Variants in FIGNL1 observed in about 807,000 individuals in gnomAD.
FIGNL1 encodes fidgetin-like protein 1.
Under a neutral mutation model 28.9 loss-of-function variants are expected in FIGNL1, and 11 were observed. The ratio of observed to expected loss-of-function variants is 0.38; its 90% CI spans 0.24 to 0.63. FIGNL1 has a LOEUF of 0.63. Among genes scored for constraint, FIGNL1 ranks in the 20% least tolerant of loss-of-function variants. FIGNL1 has a pLI of 0.57. For synonymous variants in FIGNL1, 295 were observed against 276.5 expected (o/e 1.07, Z -0.66); for missense variants, 789 against 810.4 (o/e 0.97, Z 0.32).
chr7:50,447,468 C>A, intron 3 of FIGNL1, 171 bp from the exon 4 acceptor site: 1 of 504,474 alleles, frequency 2.0e-6, no homozygotes. Flanking sequence ...CTATAGATTT[C>A]AAGTATTCAA....
rs2153527256 is a variant in FIGNL1, at chr7:50,444,701, T to A, written c.*562A>T. 6.6e-6 allele frequency: 1 copy of A among 152,332 alleles called. No homozygotes were observed. Among genetic ancestry groups the A allele is most frequent in the Middle Eastern group, 3.4e-3 (1 of 294 alleles). The allele number at this position is 152,332 out of a possible 1,614,324, so 9.4% of individuals were successfully genotyped here. ...TTAATTAACCTTTCAGTTCTGTGAATCTAATACTAGATCACACCTTGCTAT... is the reference window on the plus strand; with the variant it reads ...TTAATTAACCTTTCAGTTCTGTGAAACTAATACTAGATCACACCTTGCTAT... On this transcript the variant is annotated 3_prime_UTR_variant, in exon 4 of 4. Transcript: ENST00000433017.
rs1323535025 is a variant in FIGNL1, at chr7:50,449,130, G to A, written c.-132C>T. On this transcript the variant is annotated 5_prime_UTR_variant, in exon 2 of 4. Coordinates refer to ENST00000433017, the MANE Select transcript of FIGNL1 (RefSeq NM_001287492.4). ...ATTTCTACCATACCTCAGAGTTCTA[G>A]TCACTGTTCTCAGAATAAACCCCCT... The A allele has an allele frequency of 2.6e-5, 4 of 152,098 alleles. No individual in the cohort carries two copies. The highest frequency in any genetic ancestry group is 5.9e-5 in the Non-Finnish European group (4 of 68,022). 9.4% of individuals were successfully genotyped at this position (152,098 alleles called of 1,614,324 possible).
Position 50,446,773 on chromosome 7 carries a change from C to T in FIGNL1, c.515G>A (p.Arg172Gln), listed in dbSNP as rs757791696. 2.2e-5 allele frequency: 36 copies of T among 1,614,000 alleles called. No individual in the cohort carries two copies. Among genetic ancestry groups the T allele is most frequent in the African/African-American group, 1.1e-4 (8 of 74,924 alleles). ...ATTGCTCTCCGGGAAGTCTTGGGTC[C>T]GGTCTCGATCATGAGCTGAGTTAGG... ...SLPNSAHDRDRTQDFPESNRL... is the reference protein window; with the variant it reads ...SLPNSAHDRDQTQDFPESNRL... Residue 172 changes from arginine to glutamine, a missense_variant, in exon 4 of 4, where the codon CGG becomes CAG. Arg to Gln is a conservative substitution (Grantham distance 43). Transcript: ENST00000433017.
At position 50,446,321 on chromosome 7, in the gene FIGNL1, C is replaced by T. The variant is rs1164985764; in HGVS notation, c.967G>A (p.Gly323Ser). The T allele has an allele frequency of 6.2e-7, 1 of 1,614,014 alleles. No individual in the cohort carries two copies. The highest frequency in any genetic ancestry group is 1.3e-5 in the African/African-American group (1 of 74,890). Reference sequence around the variant, plus strand: ...CTAGCTCCTAGAGACTTTTTTACACCACCATATGAAGACCCTGATGCACGC... The same window carrying T: ...CTAGCTCCTAGAGACTTTTTTACACTACCATATGAAGACCCTGATGCACGC... ...PQRASGSSYGGVKKSLGASRS... is the reference protein window; with the variant it reads ...PQRASGSSYGSVKKSLGASRS... The change falls in exon 4 of 4, where the codon GGT (glycine) becomes AGT (serine). Residue 323 changes from glycine to serine, a missense_variant. Physicochemically the swap from Gly to Ser is moderately conservative, Grantham distance 56. Coordinates refer to ENST00000433017, the MANE Select transcript of FIGNL1 (RefSeq NM_001287492.4).
Position 50,446,504 on chromosome 7 carries a change from C to T in FIGNL1, c.784G>A (p.Gly262Ser). ...GAAAGTGCATCAATGGTGCCAGAAC[C>T]ATAAAAAGACTTCCTCTGTGGATTT... ...CENPQRKSFY[G>S]SGTIDALSNP... Residue 262 changes from glycine to serine, a missense_variant, in exon 4 of 4, where the codon GGT (glycine) becomes AGT (serine). By Grantham distance (56) the Gly-to-Ser change is moderately conservative. Transcript: ENST00000433017. 6.2e-7 allele frequency: 1 copy of T among 1,614,144 alleles called. No homozygotes were observed. The highest frequency in any genetic ancestry group is 8.5e-7 in the Non-Finnish European group (1 of 1,180,038).
Position 50,447,268 on chromosome 7 carries a change from C to A in FIGNL1, c.20G>T (p.Arg7Ile). ...CTGCCATTCACTCAGGTGCACAGAT[C>A]TAGAGCTGGAGGTCTGCATTTTAGA... MQTSSSRSVHLSEWQKN... is the reference protein window; with the variant it reads MQTSSSISVHLSEWQKN... Residue 7 changes from arginine (R) to isoleucine (I), a missense_variant, in exon 4 of 4, where the codon AGA (arginine) becomes ATA (isoleucine). By Grantham distance (97) the Arg-to-Ile change is moderately conservative. Coordinates refer to ENST00000433017, the MANE Select transcript of FIGNL1 (RefSeq NM_001287492.4). 5.6e-6 allele frequency: 9 copies of A among 1,596,606 alleles called. No individual in the cohort carries two copies. Among genetic ancestry groups the A allele is most frequent in the Non-Finnish European group, 7.7e-6 (9 of 1,167,244 alleles).
At chr7:50,449,868 C>G (rs1347045113) in intron 1 of FIGNL1, 145 bp from the exon 2 acceptor site, 1 of 152,336 alleles carries the variant, frequency 6.6e-6, no homozygotes, top group African/African-American at 2.4e-5. Flanking sequence ...AAGGTATGAG[C>G]CCTTCTTTCT....
Position 50,445,058 on chromosome 7 carries a change from A to G in FIGNL1, c.*205T>C. The G allele has an allele frequency of 2.8e-6, 1 of 361,972 alleles. No homozygotes were observed. Among genetic ancestry groups the G allele is most frequent in the Non-Finnish European group, 4.9e-6 (1 of 204,080 alleles). 22.4% of individuals were successfully genotyped at this position (361,972 alleles called of 1,614,324 possible). A position where few individuals can be genotyped will look rare whatever the true frequency, so the allele number is the denominator to read the frequency against. On this transcript the variant is annotated 3_prime_UTR_variant, in exon 4 of 4. Coordinates refer to ENST00000433017, the MANE Select transcript of FIGNL1 (RefSeq NM_001287492.4). ...CAAAAGTTCATTCTCACTTTGTTCAAATAGGCTTACGTATCAGGTAATCAC... is the reference window on the plus strand; with the variant it reads ...CAAAAGTTCATTCTCACTTTGTTCAGATAGGCTTACGTATCAGGTAATCAC...
Position 50,445,328 on chromosome 7 carries a change from T to G in FIGNL1, c.1960A>C (p.Ser654Arg), listed in dbSNP as rs777685237. ...FENAFRTVRP[S>R]VSPKDLELYE... ...AGCTCTAAATCTTTTGGAGAAACACTAGGTCGCACAGTTCTAAAAGCATTT... is the reference window on the plus strand; with the variant it reads ...AGCTCTAAATCTTTTGGAGAAACACGAGGTCGCACAGTTCTAAAAGCATTT... Residue 654 changes from serine to arginine, a missense_variant, in exon 4 of 4, where the codon AGT becomes CGT. Ser to Arg is a moderately radical substitution (Grantham distance 110). Coordinates refer to ENST00000433017, the MANE Select transcript of FIGNL1 (RefSeq NM_001287492.4). 6.2e-7 allele frequency: 1 copy of G among 1,604,450 alleles called. No individual in the cohort carries two copies. The highest frequency in any genetic ancestry group is 1.3e-5 in the African/African-American group (1 of 74,472).
rs1415502444 is a variant in FIGNL1, at chr7:50,446,663, C to T, written c.625G>A (p.Glu209Lys). 1 of 1,614,190 alleles carries T rather than the reference C, an allele frequency of 6.2e-7. No individual in the cohort carries two copies. Among genetic ancestry groups the T allele is most frequent in the South Asian group, 1.1e-5 (1 of 91,088 alleles). ...TCPTFSAPVGESATAKFHVTP... is the reference protein window; with the variant it reads ...TCPTFSAPVGKSATAKFHVTP... ...ACATGGAATTTTGCAGTAGCTGACTCACCTACAGGTGCTGAGAATGTAGGA... is the reference window on the plus strand; with the variant it reads ...ACATGGAATTTTGCAGTAGCTGACTTACCTACAGGTGCTGAGAATGTAGGA... The change falls in exon 4 of 4, where the codon GAG (glutamate) becomes AAG (lysine). Residue 209 changes from glutamate to lysine, a missense_variant. Physicochemically the swap from Glu to Lys is moderately conservative, Grantham distance 56. Transcript: ENST00000433017.
In FIGNL1 at chr7:50,447,042, ATAAT is replaced by A; in HGVS notation, c.242_245del (p.Asn81MetfsTer6). On this transcript the variant is annotated frameshift_variant, in exon 4 of 4. Transcript: ENST00000433017. LOFTEE classifies it low-confidence loss of function (END_TRUNC). ...CTGCCAAAGTTAAAATGTTTTCTGCATAATTATTCAACCCAGATTCAACATTGTC... is the reference window on the plus strand; with the variant it reads ...CTGCCAAAGTTAAAATGTTTTCTGCATATTCAACCCAGATTCAACATTGTC... 1 of 1,614,264 alleles carries A rather than the reference ATAAT, an allele frequency of 6.2e-7. No individual in the cohort carries two copies. Among genetic ancestry groups the A allele is most frequent in the Non-Finnish European group, 8.5e-7 (1 of 1,180,050 alleles).
Position 50,447,007 on chromosome 7 carries a change from T to G in FIGNL1, c.281A>C (p.Gln94Pro). 6.2e-7 allele frequency: 1 copy of G among 1,614,258 alleles called. No homozygotes were observed. The highest frequency in any genetic ancestry group is 8.5e-7 in the Non-Finnish European group (1 of 1,180,046). Residue 94 changes from glutamine (Q) to proline (P), a missense_variant, in exon 4 of 4, where the codon CAA becomes CCA. Transcript: ENST00000433017. ...AGACTGCCACTTGTCACTATCTGTT[T>G]GTTGAGATCCTGCCAAAGTTAAAAT... is the stretch of plus-strand genomic sequence containing the variant. Reference protein sequence around the residue: ...ENILTLAGSQQTDSDKWQSGL... With the variant: ...ENILTLAGSQPTDSDKWQSGL...
rs937637560 is a variant in FIGNL1, at chr7:50,445,765, T to A, written c.1523A>T (p.Gln508Leu). Residue 508 changes from glutamine to leucine, a missense_variant, in exon 4 of 4, where the codon CAA (glutamine) becomes CTA (leucine). Coordinates refer to ENST00000433017, the MANE Select transcript of FIGNL1 (RefSeq NM_001287492.4). ...FIDEIDSLLS[Q>L]RGDGEHESSR... ...AGATTCATGCTCACCATCTCCCCGTTGAGATAACAAGGAATCAATTTCGTC... is the reference window on the plus strand; with the variant it reads ...AGATTCATGCTCACCATCTCCCCGTAGAGATAACAAGGAATCAATTTCGTC... 6 of 1,611,210 alleles carry A rather than the reference T, an allele frequency of 3.7e-6. No homozygotes were observed. The highest frequency in any genetic ancestry group is 4.2e-6 in the Non-Finnish European group (5 of 1,177,380).
rs761247655 is a variant in FIGNL1, at chr7:50,446,408, T to G, written c.880A>C (p.Thr294Pro). ...NGPKEDSSLP[T>P]FKTAKEQLWV... ...AATTGTTCTTTTGCAGTTTTAAATG[T>G]AGGCAGGCTGCTATCCTCCTTTGGG... Residue 294 changes from threonine (T) to proline (P), a missense_variant, in exon 4 of 4, where the codon ACA becomes CCA. Thr to Pro is a conservative substitution (Grantham distance 38, BLOSUM62 -1). Transcript: ENST00000433017. 18 of 1,614,068 alleles carry G rather than the reference T, an allele frequency of 1.1e-5. No individual in the cohort carries two copies. In the Admixed American group the frequency reaches 2.8e-4, roughly 25 times the overall value.
Position 50,444,856 on chromosome 7 carries a change from G to A in FIGNL1, c.*407C>T, listed in dbSNP as rs1200402561. ...CTTAAATAACACTAAGCAATACTTT[G>A]TCCAAATGTAAACCATTATACTAGC... On this transcript the variant is annotated 3_prime_UTR_variant, in exon 4 of 4. Coordinates refer to ENST00000433017, the MANE Select transcript of FIGNL1 (RefSeq NM_001287492.4). The A allele has an allele frequency of 1.3e-5, 2 of 153,162 alleles. No individual in the cohort carries two copies. The highest frequency in any genetic ancestry group is 2.9e-5 in the Non-Finnish European group (2 of 68,712). 9.5% of individuals were successfully genotyped at this position (153,162 alleles called of 1,614,324 possible). A position where few individuals can be genotyped will look rare whatever the true frequency, so the allele number is the denominator to read the frequency against.
At position 50,446,997 on chromosome 7, in the gene FIGNL1, ACTAT is replaced by A. The variant is rs781165020; in HGVS notation, c.287_290del (p.Asp96ValfsTer10). The A allele has an allele frequency of 1.1e-5, 17 of 1,614,254 alleles. No individual in the cohort carries two copies. The highest frequency in any genetic ancestry group is 1.3e-5 in the African/African-American group (1 of 75,074). The stretch of plus-strand genomic sequence containing the variant: ...TTGACAATCCAGACTGCCACTTGTC[ACTAT>A]CTGTTTGTTGAGATCCTGCCAAAGT... On this transcript the variant is annotated frameshift_variant, in exon 4 of 4. Coordinates refer to ENST00000433017, the MANE Select transcript of FIGNL1 (RefSeq NM_001287492.4). LOFTEE classifies it low-confidence loss of function (END_TRUNC).
chr7:50,444,923 A>G lies in FIGNL1; in HGVS notation c.*340T>C, dbSNP rs1820356114. On this transcript the variant is annotated 3_prime_UTR_variant, in exon 4 of 4. Coordinates refer to ENST00000433017, the MANE Select transcript of FIGNL1 (RefSeq NM_001287492.4). ...GTGGCCATCAGAAGGCACTTTCTTC[A>G]ATAAAAGATGAATATTAATCAGACA... 1 of 162,144 alleles carries G rather than the reference A, an allele frequency of 6.2e-6. No individual in the cohort carries two copies. The highest frequency in any genetic ancestry group is 6.4e-5 in the Admixed American group (1 of 15,640). The allele number at this position is 162,144 out of a possible 1,614,324, so 10.0% of individuals were successfully genotyped here.
chr7:50,447,353 T>C (rs1227900512), intron 3 of FIGNL1, 56 bp from the exon 4 acceptor site: 10 of 1,284,498 alleles, frequency 7.8e-6, no homozygotes, highest in African/African-American at 1.5e-5. Context: ...GAAAATACTT[T>C]AAATGTAATT....
At position 50,446,808 on chromosome 7, in the gene FIGNL1, A is replaced by G; in HGVS notation, c.480T>C (p.Ser160=). 3 of 1,614,030 alleles carry G rather than the reference A, an allele frequency of 1.9e-6. No individual in the cohort carries two copies. The highest frequency in any genetic ancestry group is 2.5e-6 in the Non-Finnish European group (3 of 1,180,032). ...KFSVCGSSQE[S]DSLPNSAHDR... ...CATGAGCTGAGTTAGGTAATGAGTC[A>G]CTCTCTTGAGAACTACCACAAACAC... Residue 160 remains serine (S), a synonymous_variant, in exon 4 of 4, where the codon AGT becomes AGC. Coordinates refer to ENST00000433017, the MANE Select transcript of FIGNL1 (RefSeq NM_001287492.4).
Sources: gnomAD v4.1 joint callset for allele counts on GRCh38, gnomAD v4.1.1 for gene constraint, MANE v1.5 for transcripts, NCBI Gene and HGNC (gene_info 2026-07-23, HGNC 2026-07-21) for gene names.